The following CLVS1 variants were observed in gnomAD, a reference collection of about 807,000 sequenced individuals.
CLVS1 encodes the protein clavesin 1.
CLVS1 carries 10 observed loss-of-function variants against 33.1 expected under a neutral mutation model. That is an observed-to-expected ratio of 0.30 (90% CI 0.19 to 0.51). The LOEUF (loss-of-function observed/expected upper bound fraction) is 0.51. Among genes scored for constraint, CLVS1 ranks in the 20% least tolerant of loss-of-function variants. The probability of loss-of-function intolerance (pLI) is 0.97; values close to 1 mark genes in which losing one functional copy is unlikely to be tolerated. For synonymous variants in CLVS1, 163 were observed against 166.1 expected (o/e 0.98, Z 0.14); for missense variants, 343 against 433.4 (o/e 0.79, Z 1.85).
chr8:61,397,258 A>AT (rs1563535014), intron 3 of CLVS1, among the ~76,000 whole-genome samples: 11 of 152,106 alleles, frequency 7.2e-5, no homozygotes, highest in African/African-American at 2.7e-4. Context: ...GATATGAAAC[A>AT]GTATCTCATT....
intron 1 of CLVS1, chr8:61,090,761 C>T: frequency 2.3e-6 from 1 of 427,780 alleles, no homozygotes; most frequent in South Asian, 1.9e-5. Flanking sequence ...TTCCTAATTT[C>T]ACAGGTCTAG....
chr8:61,204,872 G>C (rs1053898884), intron 2 of CLVS1, among the ~76,000 whole-genome samples: 1 of 152,176 alleles, frequency 6.6e-6, no homozygotes, highest in African/African-American at 2.4e-5. Flanking sequence ...AATTGGAATA[G>C]TTTGTGGGTG....
rs1484884317 is a variant in CLVS1 at position 61,113,718 on chromosome 8, C to T, written c.-242-18052C>T. ...TGCTTACGGCACCTGCACTGACACCCGCCCATCAGTCCTATCCTACCCTGG... is the reference window on the plus strand; with the variant it reads ...TGCTTACGGCACCTGCACTGACACCTGCCCATCAGTCCTATCCTACCCTGG... On this transcript the variant is annotated intron_variant, in intron 1 of 2. Transcript: ENST00000522621. Among the ~76,000 whole-genome samples, 13 of 152,358 alleles carry T rather than the reference C, an allele frequency of 8.5e-5. No individual in the cohort carries two copies. The Middle Eastern group carries it at 0.01, about 120-fold the overall frequency.
At chr8:61,455,986 C>A (rs761528529) in intron 4 of CLVS1, among the ~76,000 whole-genome samples, 1 of 152,212 alleles carries the variant, frequency 6.6e-6, no homozygotes, top group Non-Finnish European at 1.5e-5. Context: ...TGTTTTAAAA[C>A]CCATCTGGGG....
At chr8:61,299,205 G>C (rs1011474763) in intron 1 of CLVS1, among the ~76,000 whole-genome samples, 4 of 152,120 alleles carry the variant, frequency 2.6e-5, no homozygotes, top group Non-Finnish European at 5.9e-5. Flanking sequence ...TTAAGAAAGT[G>C]GGGGAAGGGT....
intron 2 of CLVS1, among the ~76,000 whole-genome samples, chr8:61,341,703 A>G (rs1215859013): frequency 6.6e-6 from 1 of 152,226 alleles, no homozygotes; most frequent in Non-Finnish European, 1.5e-5. Context: ...AAAAAGATAC[A>G]TGTAGGAGAC....
At chr8:61,107,199 T>C (rs1805552779) in intron 1 of CLVS1, among the ~76,000 whole-genome samples, 2 of 152,214 alleles carry the variant, frequency 1.3e-5, no homozygotes, top group Non-Finnish European at 2.9e-5. Flanking sequence ...TGAGACGTGT[T>C]CTATCTAAAG....
intron 2 of CLVS1, among the ~76,000 whole-genome samples, chr8:61,204,839 C>T (rs1182816159): frequency 6.6e-6 from 1 of 152,148 alleles, no homozygotes; most frequent in African/African-American, 2.4e-5. Context: ...AAAATCCATA[C>T]CCATTCCCCC....
intron 3 of CLVS1, among the ~76,000 whole-genome samples, chr8:61,436,469 C>T (rs1816335023): frequency 1.3e-5 from 2 of 152,198 alleles, no homozygotes; most frequent in Non-Finnish European, 2.9e-5. Context: ...ATTCTAAGGA[C>T]ACTTCTCAGC....
intron 3 of CLVS1, among the ~76,000 whole-genome samples, chr8:61,398,959 CA>C (rs1186058152): frequency 6.6e-6 from 1 of 152,146 alleles, no homozygotes; most frequent in Non-Finnish European, 1.5e-5. Context: ...CATTGATGGG[CA>C]TTTAGGTTGA....
At chr8:61,480,101 C>T (rs1318757660) in intron 5 of CLVS1, among the ~76,000 whole-genome samples, 1 of 152,260 alleles carries the variant, frequency 6.6e-6, no homozygotes, top group Non-Finnish European at 1.5e-5. Flanking sequence ...CCACTACTCT[C>T]TTCAAAGCTG....
At chr8:61,403,812 C>T (rs1488581166) in intron 3 of CLVS1, among the ~76,000 whole-genome samples, 1 of 152,144 alleles carries the variant, frequency 6.6e-6, no homozygotes. Context: ...CAGAGCTTGG[C>T]ACAGGATTCC....
chr8:61,338,571 A>C (rs551909569), intron 2 of CLVS1, among the ~76,000 whole-genome samples: 1 of 152,320 alleles, frequency 6.6e-6, no homozygotes, highest in South Asian at 2.1e-4. Context: ...GTACTTACGC[A>C]ATAAGGGTAT....
chr8:61,202,692 G>A, intron 2 of CLVS1: 1 of 1,548,450 alleles, frequency 6.5e-7, no homozygotes, highest in Non-Finnish European at 8.8e-7. Flanking sequence ...TTAGTGGACA[G>A]CACTTAGTAG....
chr8:61,164,915 G>T (rs1325984597), intron 2 of CLVS1, among the ~76,000 whole-genome samples: 2 of 152,280 alleles, frequency 1.3e-5, no homozygotes, highest in South Asian at 2.1e-4. Context: ...ATTACCAGGG[G>T]TCCTTGCTCA....
At chr8:61,486,649 T>C (rs1803896403) in intron 5 of CLVS1, among the ~76,000 whole-genome samples, 1 of 152,080 alleles carries the variant, frequency 6.6e-6, no homozygotes, top group East Asian at 1.9e-4. Context: ...AAAGGAAGCG[T>C]TGAATTCTTG....
intron 1 of CLVS1, among the ~76,000 whole-genome samples, chr8:61,070,073 G>A (rs750052738): frequency 3.3e-5 from 5 of 152,130 alleles, no homozygotes; most frequent in East Asian, 1.9e-4. Context: ...GATTCCAGGC[G>A]TGAGCCACAG....
chr8:60,967,499 G>T, the CLVS1 span: 1 of 356,272 alleles, frequency 2.8e-6, no homozygotes, highest in Non-Finnish European at 5.6e-6. Context: ...AGGGGACCAC[G>T]AGTGCAGTAG....
chr8:61,388,305 A>T (rs1025181962), intron 3 of CLVS1, among the ~76,000 whole-genome samples: 6 of 150,204 alleles, frequency 4.0e-5, no homozygotes, highest in Non-Finnish European at 8.9e-5. Flanking sequence ...TGGTGTTCCT[A>T]TCTGAATCAA....
Sources: allele counts gnomAD v4.1 joint callset (sites outside exome capture counted in the v4.1 genomes callset), GRCh38; gene constraint gnomAD v4.1.1; transcripts MANE v1.5; gene names NCBI Gene and HGNC (gene_info 2026-07-23, HGNC 2026-07-21).